Variants in INSR observed in about 807,000 individuals in gnomAD.
INSR encodes the protein insulin receptor, also known as IR.
In INSR, 67 loss-of-function variants were observed where a neutral mutation model predicts 142.6. That is an observed-to-expected ratio of 0.47 (90% CI 0.39 to 0.58). The LOEUF is 0.58. INSR is among the 20% of genes least tolerant of loss of function. The pLI, the probability that INSR is intolerant of heterozygous loss-of-function variation, is 0.00. For missense variants in INSR, 1,248 were observed against 1,833.2 expected (o/e 0.68, Z 5.83); for synonymous variants, 756 against 743.1 (o/e 1.02, Z -0.28).
intron 2 of INSR, among the ~76,000 whole-genome samples, chr19:7,266,495 C>G (rs1018874522): frequency 6.6e-6 from 1 of 151,670 alleles, no homozygotes; most frequent in African/African-American, 2.4e-5. Flanking sequence ...AAGTGATTCT[C>G]CTGCCTCAGC....
rs561904256 is a variant in INSR, at chr19:7,112,934, T to C, written c.*4122A>G. ...ATATAAATTAATATTCTGAAGAACA[T>C]GCTGGAAGATTTTCTGAAGTGACAC... On this transcript the variant is annotated 3_prime_UTR_variant, in exon 22 of 22. Transcript: ENST00000302850. The C allele has an allele frequency of 6.6e-6, 1 of 152,176 alleles. No homozygotes were observed. Among genetic ancestry groups the C allele is most frequent in the South Asian group, 2.1e-4 (1 of 4,824 alleles). The allele number at this position is 152,176 out of a possible 1,614,324, so 9.4% of individuals were successfully genotyped here. A position where few individuals can be genotyped will look rare whatever the true frequency, so the allele number is the denominator to read the frequency against.
rs1412894681 is a variant in INSR at position 7,267,481 on chromosome 19, G to T, written c.516C>A (p.Ile172=). The change falls in exon 2 of 22, where the codon ATC becomes ATA. Residue 172 remains isoleucine, a synonymous_variant. Coordinates refer to ENST00000302850, the MANE Select transcript of INSR (RefSeq NM_000208.4). This position sits in a 1 kb window ranked among gnomAD's most constrained non-coding sequence, Gnocchi z 6.3. ...CCTCGTTGTCATCTTTGTTCAACAC[G>T]ATGTAATTATCCTCCACGGAATCCA... ...RILDSVEDNY[I]VLNKDDNEEC... is the part of the protein sequence containing the mutation. 1 of 1,614,062 alleles carries T rather than the reference G, an allele frequency of 6.2e-7. No homozygotes were observed. The highest frequency in any genetic ancestry group is 1.1e-5 in the South Asian group (1 of 91,072).
chr19:7,137,605 T>C (rs1972963996), intron 13 of INSR, among the ~76,000 whole-genome samples: 1 of 151,882 alleles, frequency 6.6e-6, no homozygotes, highest in Admixed American at 6.6e-5. Context: ...CAGGCCAACA[T>C]GGTGAAACCT....
chr19:7,132,233 C>A lies in INSR; in HGVS notation c.2767G>T (p.Val923Leu). The stretch of plus-strand genomic sequence containing the variant: ...GCAAGGGAGGTGGCCCGGATTCGCA[C>A]GCTGTAGTTCCCCGGTGACAGCCCA... ...LRGLSPGNYS[V>L]RIRATSLAGN... The change falls in exon 14 of 22, where the codon GTG becomes TTG. Residue 923 changes from valine to leucine, a missense_variant. Transcript: ENST00000302850. 1 of 1,614,236 alleles carries A rather than the reference C, an allele frequency of 6.2e-7. No homozygotes were observed. The highest frequency in any genetic ancestry group is 8.5e-7 in the Non-Finnish European group (1 of 1,180,044).
intron 2 of INSR, among the ~76,000 whole-genome samples, chr19:7,223,094 A>T (rs1975671780): frequency 6.6e-6 from 1 of 152,044 alleles, no homozygotes; most frequent in African/African-American, 2.4e-5. Flanking sequence ...GAGGCAGGAG[A>T]ATTGCTTGAA....
At chr19:7,158,576 A>G (rs986727185) in intron 9 of INSR, among the ~76,000 whole-genome samples, 1 of 152,126 alleles carries the variant, frequency 6.6e-6, no homozygotes, top group Non-Finnish European at 1.5e-5. Context: ...GACAGAAAGG[A>G]GGATGGTGGG....
intron 2 of INSR, among the ~76,000 whole-genome samples, chr19:7,229,275 G>T (rs1195063362): frequency 7.7e-6 from 1 of 129,508 alleles, no homozygotes; most frequent in South Asian, 2.8e-4. Flanking sequence ...GGATGGATGG[G>T]CAGATGAGCA....
chr19:7,205,150 A>G (rs1466196455), intron 2 of INSR, among the ~76,000 whole-genome samples: 1 of 152,206 alleles, frequency 6.6e-6, no homozygotes, highest in Admixed American at 6.5e-5. Context: ...GGCTTCTATC[A>G]ACAGATCTGA....
chr19:7,193,781 C>T (rs1974663407), intron 2 of INSR, among the ~76,000 whole-genome samples: 2 of 152,046 alleles, frequency 1.3e-5, no homozygotes, highest in Admixed American at 1.3e-4. Context: ...CCTCCGCCTC[C>T]CAGGTTCAAG....
chr19:7,142,992 G>A lies in INSR; in HGVS notation c.2366C>T (p.Pro789Leu). ...AFPNTSSTSV[P>L]TSPEEHRPFE... ...AGGCCTGTGCTCCTCCGGACTCGTG[G>A]GCACGCTGGTCGAGGAAGTGTTGGG... The change falls in exon 12 of 22, where the codon CCC becomes CTC. Residue 789 changes from proline to leucine, a missense_variant. By Grantham distance (98) the Pro-to-Leu change is moderately conservative. This residue lies in a region of INSR where 1,069 missense variants were observed against 1,654.0 expected (regional missense o/e 0.65). Coordinates refer to ENST00000302850, the MANE Select transcript of INSR (RefSeq NM_000208.4). 1.9e-6 allele frequency: 3 copies of A among 1,614,182 alleles called. No individual in the cohort carries two copies. Among genetic ancestry groups the A allele is most frequent in the Non-Finnish European group, 2.5e-6 (3 of 1,180,030 alleles).
intron 1 of INSR, chr19:7,268,518 G>C: frequency 1.0e-6 from 1 of 985,194 alleles, no homozygotes; most frequent in Non-Finnish European, 1.2e-6. Flanking sequence ...CGCCCACCAT[G>C]GCTCCCCATC....
chr19:7,153,420 CCA>C (rs1973495092), intron 9 of INSR, among the ~76,000 whole-genome samples: 1 of 109,574 alleles, frequency 9.1e-6, no homozygotes. Flanking sequence ...TTCACACACA[CCA>C]CACACCACAC....
chr19:7,112,911 A>G lies in INSR; in HGVS notation c.*4145T>C, dbSNP rs1399155947. On this transcript the variant is annotated 3_prime_UTR_variant, in exon 22 of 22. Transcript: ENST00000302850. Reference sequence around the variant, plus strand: ...TTTCATTCCCAACCTCACCTCGCATATAAATTAATATTCTGAAGAACATGC... The same window carrying G: ...TTTCATTCCCAACCTCACCTCGCATGTAAATTAATATTCTGAAGAACATGC... 6.6e-6 allele frequency: 1 copy of G among 152,108 alleles called. No individual in the cohort carries two copies. The highest frequency in any genetic ancestry group is 1.5e-5 in the Non-Finnish European group (1 of 68,024). 9.4% of individuals were successfully genotyped at this position (152,108 alleles called of 1,614,324 possible).
At chr19:7,206,933 A>C (rs1227877322) in intron 2 of INSR, among the ~76,000 whole-genome samples, 2 of 152,178 alleles carry the variant, frequency 1.3e-5, no homozygotes, top group African/African-American at 2.4e-5. Flanking sequence ...CAGTAACAGA[A>C]CACTCAAGTC....
chr19:7,120,993 C>T (rs1417086961), intron 19 of INSR, among the ~76,000 whole-genome samples: 1 of 151,858 alleles, frequency 6.6e-6, no homozygotes. Flanking sequence ...AAAGAAGCTA[C>T]ATTTTTCTTT....
rs1271904120 is a variant in INSR, at chr19:7,113,130, C to T, written c.*3926G>A. 1.3e-5 allele frequency: 2 copies of T among 152,226 alleles called. No homozygotes were observed. The highest frequency in any genetic ancestry group is 2.9e-5 in the Non-Finnish European group (2 of 68,056). The allele number at this position is 152,226 out of a possible 1,614,324, so 9.4% of individuals were successfully genotyped here. ...AGGAGAGAAATGATTAGCACTGGGACTACAGCACATCCATTTACCGGATGA... is the reference window on the plus strand; with the variant it reads ...AGGAGAGAAATGATTAGCACTGGGATTACAGCACATCCATTTACCGGATGA... On this transcript the variant is annotated 3_prime_UTR_variant, in exon 22 of 22. Coordinates refer to ENST00000302850, the MANE Select transcript of INSR (RefSeq NM_000208.4).
chr19:7,151,133 C>CT (rs1973329580), intron 10 of INSR, among the ~76,000 whole-genome samples: 1 of 137,074 alleles, frequency 7.3e-6, no homozygotes, highest in African/African-American at 2.7e-5. Context: ...TTTCTCTGTC[C>CT]TTTCTTTCTC....
intron 9 of INSR, among the ~76,000 whole-genome samples, chr19:7,154,053 C>T (rs529868083): frequency 6.6e-6 from 1 of 151,782 alleles, no homozygotes; most frequent in East Asian, 2.0e-4. Context: ...CCCAGCTACT[C>T]AGGAGGTCGA....
rs1276948190 is a variant in INSR at position 7,132,178 on chromosome 19, T to C, written c.2822A>G (p.Tyr941Cys). 5 of 1,613,824 alleles carry C rather than the reference T, an allele frequency of 3.1e-6. No homozygotes were observed. Among genetic ancestry groups the C allele is most frequent in the Non-Finnish European group, 4.2e-6 (5 of 1,179,964 alleles). ...AGNGSWTEPT[Y>C]FYVTDYLDVP... ...CTTACAATAGTCTGTCACGTAGAAA[T>C]AGGTGGGTTCCGTCCAAGAGCCGTT... The change falls in exon 14 of 22, where the codon TAT (tyrosine) becomes TGT (cysteine). Residue 941 changes from tyrosine to cysteine, a missense_variant. Transcript: ENST00000302850.
Sources: allele counts gnomAD v4.1 joint callset (sites outside exome capture counted in the v4.1 genomes callset), GRCh38; gene constraint gnomAD v4.1.1; regional missense constraint gnomAD v4.1.1; non-coding constraint Gnocchi (gnomAD v3.1); transcripts MANE v1.5; gene names NCBI Gene and HGNC (gene_info 2026-07-23, HGNC 2026-07-21).